The following RELN variants were observed in gnomAD, a reference collection of about 807,000 sequenced individuals.
RELN encodes the protein reelin.
A neutral mutation model predicts 427.6 loss-of-function variants in RELN; 108 were observed. That is an observed-to-expected ratio of 0.25 (90% CI 0.22 to 0.30). The LOEUF (loss-of-function observed/expected upper bound fraction) is 0.30. RELN is among the 10% of genes least tolerant of loss of function. RELN has a pLI of 1.00. For missense variants in RELN, 3,715 were observed against 4,302.8 expected (o/e 0.86, Z 3.82); for synonymous variants, 1,524 against 1,513.4 (o/e 1.01, Z -0.16).
chr7:103,640,994 A>G lies in RELN; in HGVS notation c.2003-385T>C, dbSNP rs1414465001. Among the ~76,000 whole-genome samples, 1 of 152,184 alleles carries G rather than the reference A, an allele frequency of 6.6e-6. No homozygotes were observed. Among genetic ancestry groups the G allele is most frequent in the Non-Finnish European group, 1.5e-5 (1 of 68,026 alleles). On this transcript the variant is annotated intron_variant, in intron 16 of 64. Coordinates refer to ENST00000428762, the MANE Select transcript of RELN (RefSeq NM_005045.4). The surrounding 1 kb of genome is among the most constrained non-coding windows in gnomAD (Gnocchi z 4.1). Reference sequence around the variant, plus strand: ...TATCACAATATGGAGAAGTCACCCCATAATTTTCATTTCTATCAGGGGAAA... The same window carrying G: ...TATCACAATATGGAGAAGTCACCCCGTAATTTTCATTTCTATCAGGGGAAA...
At chr7:103,904,192 T>G (rs1277873743) in intron 2 of RELN, among the ~76,000 whole-genome samples, 2 of 152,174 alleles carry the variant, frequency 1.3e-5, no homozygotes, top group Non-Finnish European at 2.9e-5. Context: ...ATCTCATTCC[T>G]TTTTATGGCT....
chr7:103,691,932 G>A (rs995407784), intron 10 of RELN, among the ~76,000 whole-genome samples: 20 of 152,200 alleles, frequency 1.3e-4, no homozygotes, highest in Admixed American at 7.2e-4. Context: ...AACATGAGGT[G>A]GATACTAGTA....
chr7:103,789,271 C>A (rs1435406279), intron 3 of RELN, among the ~76,000 whole-genome samples: 2 of 152,026 alleles, frequency 1.3e-5, no homozygotes, highest in Non-Finnish European at 2.9e-5. Flanking sequence ...ATTCAGGACA[C>A]AGGCATGGGC....
intron 63 of RELN, chr7:103,481,946 G>T (rs1212352870): frequency 6.6e-6 from 1 of 152,186 alleles, no homozygotes; most frequent in Non-Finnish European, 1.5e-5. Flanking sequence ...TGGGGACCAG[G>T]TTGCTCTTGG....
chr7:103,547,976 G>A (rs148876234), intron 41 of RELN, among the ~76,000 whole-genome samples: 2 of 152,286 alleles, frequency 1.3e-5, no homozygotes, highest in East Asian at 3.9e-4. Context: ...GTGAATGTCA[G>A]CATCTGTTCT....
intron 61 of RELN, among the ~76,000 whole-genome samples, chr7:103,485,280 AT>A (rs1377845341): frequency 6.7e-6 from 1 of 149,492 alleles, no homozygotes; most frequent in Non-Finnish European, 1.5e-5. Flanking sequence ...AACTTATATC[AT>A]GGTTTCCATA....
At chr7:103,741,753 T>C (rs1489887968) in intron 6 of RELN, among the ~76,000 whole-genome samples, 1 of 151,840 alleles carries the variant, frequency 6.6e-6, no homozygotes, top group Non-Finnish European at 1.5e-5. Flanking sequence ...TAGAATACAC[T>C]AGACCTCTTC....
intron 22 of RELN, among the ~76,000 whole-genome samples, chr7:103,609,118 G>C (rs538425183): frequency 6.6e-6 from 1 of 151,564 alleles, no homozygotes; most frequent in Non-Finnish European, 1.5e-5. Flanking sequence ...AGCTGCTTGG[G>C]AGGCTGAGGC....
In RELN at chr7:103,989,604, T is replaced by C. The variant is rs1797185379; in HGVS notation, c.-248A>G. On this transcript the variant is annotated 5_prime_UTR_variant, in exon 1 of 65. Transcript: ENST00000428762. The surrounding 1 kb of genome is among the most constrained non-coding windows in gnomAD (Gnocchi z 4.9). ...CTGCGGGCGCCGAGAGCGCGTCGTC[T>C]GCCGCCTCCGTGCGCCGCCGCCGCC... 1 of 345,550 alleles carries C rather than the reference T, an allele frequency of 2.9e-6. No homozygotes were observed. 21.4% of individuals were successfully genotyped at this position (345,550 alleles called of 1,614,324 possible). A position where few individuals can be genotyped will look rare whatever the true frequency, so the allele number is the denominator to read the frequency against.
intron 2 of RELN, among the ~76,000 whole-genome samples, chr7:103,881,526 A>G (rs908606067): frequency 6.6e-6 from 1 of 152,054 alleles, no homozygotes; most frequent in African/African-American, 2.4e-5. Flanking sequence ...TCATTGACCT[A>G]CTTCCAGTTC....
intron 59 of RELN, among the ~76,000 whole-genome samples, chr7:103,490,443 T>G (rs2117001112): frequency 6.6e-6 from 1 of 152,256 alleles, no homozygotes; most frequent in African/African-American, 2.4e-5. Context: ...AAATCTGAGA[T>G]CTCTGAATCA....
At chr7:103,784,662 A>G (rs1791974405) in intron 3 of RELN, among the ~76,000 whole-genome samples, 1 of 152,150 alleles carries the variant, frequency 6.6e-6, no homozygotes, top group Admixed American at 6.6e-5. Context: ...ATAATTATTC[A>G]ACAAACCATT....
intron 4 of RELN, among the ~76,000 whole-genome samples, chr7:103,760,529 A>G (rs1283754343): frequency 6.6e-6 from 1 of 152,194 alleles, no homozygotes; most frequent in Non-Finnish European, 1.5e-5. Flanking sequence ...TACTCAGTGC[A>G]AAGAATGGAG....
Position 103,522,192 on chromosome 7 carries a change from C to G in RELN, c.7498G>C (p.Glu2500Gln), listed in dbSNP as rs1554369707. 3.1e-6 allele frequency: 5 copies of G among 1,613,790 alleles called. No individual in the cohort carries two copies. Among genetic ancestry groups the G allele is most frequent in the Non-Finnish European group, 4.2e-6 (5 of 1,180,016 alleles). Residue 2500 changes from glutamate to glutamine, a missense_variant, in exon 48 of 65, where the codon GAA becomes CAA. By Grantham distance (29) the Glu-to-Gln change is conservative. This residue lies in a region of RELN where 1,310 missense variants were observed against 1,643.0 expected (regional missense o/e 0.80). Coordinates refer to ENST00000428762, the MANE Select transcript of RELN (RefSeq NM_005045.4). The stretch of plus-strand genomic sequence containing the variant: ...TCACAGTACAGGCCACCCCACTGTT[C>G]ATCACAGCTGGGTGCAGAGCAAGAG... ...RCIQGNCVCD[E>Q]QWGGLYCDDP...
chr7:103,872,013 AATAT>A (rs780607319), intron 2 of RELN, among the ~76,000 whole-genome samples: 1 of 115,054 alleles, frequency 8.7e-6, no homozygotes, highest in African/African-American at 3.3e-5. Context: ...ACAGTATATG[AATAT>A]ATATATATAT....
chr7:103,819,271 T>C (rs1445076429), intron 3 of RELN, among the ~76,000 whole-genome samples: 2 of 152,090 alleles, frequency 1.3e-5, no homozygotes, highest in Admixed American at 6.6e-5. Context: ...TGAAATTCTT[T>C]TAAATTATAA....
intron 8 of RELN, among the ~76,000 whole-genome samples, chr7:103,704,977 C>A (rs543573362): frequency 6.6e-6 from 1 of 152,094 alleles, no homozygotes; most frequent in South Asian, 2.1e-4. Flanking sequence ...AAGGCTGATC[C>A]GATATTTCTG....
chr7:103,820,422 A>G (rs2116369235), intron 3 of RELN, among the ~76,000 whole-genome samples: 1 of 152,174 alleles, frequency 6.6e-6, no homozygotes, highest in East Asian at 1.9e-4. Flanking sequence ...TCCCATGGTT[A>G]CTTTTCAATA....
intron 1 of RELN, among the ~76,000 whole-genome samples, chr7:103,982,498 A>G (rs1039214605): frequency 1.3e-5 from 2 of 152,100 alleles, no homozygotes; most frequent in African/African-American, 4.8e-5. Flanking sequence ...GGGAAACCTG[A>G]AGGGAAGAAA....
Sources: gnomAD v4.1 joint callset for allele counts (sites outside exome capture counted in the v4.1 genomes callset) on GRCh38, gnomAD v4.1.1 for gene constraint, gnomAD v4.1.1 regional missense constraint, Gnocchi (gnomAD v3.1) non-coding constraint, MANE v1.5 for transcripts, NCBI Gene and HGNC (gene_info 2026-07-23, HGNC 2026-07-21) for gene names.